Variants in ZMAT4 observed in about 807,000 individuals in gnomAD.
ZMAT4 encodes the protein zinc finger matrin-type protein 4.
ZMAT4 carries 17 observed loss-of-function variants against 28.7 expected under a neutral mutation model. The observed-to-expected ratio is 0.59, with a 90% CI of 0.41 to 0.89. ZMAT4 has a LOEUF of 0.89. ZMAT4 is among the 40% of genes least tolerant of loss of function. The pLI is 0.00. For missense variants in ZMAT4, 240 were observed against 283.8 expected, an observed-to-expected ratio of 0.85 and a Z score of 1.11; for synonymous variants, 117 against 109.2, an observed-to-expected ratio of 1.07 and a Z score of -0.44.
chr8:40,676,413 T>C (rs991497610), intron 4 of ZMAT4, among the ~76,000 whole-genome samples: 1 of 152,152 alleles, frequency 6.6e-6, no homozygotes, highest in Non-Finnish European at 1.5e-5. Context: ...TAAAGCAGTA[T>C]AGCAGCATCC....
At chr8:40,667,874 G>T (rs1585848623) in intron 5 of ZMAT4, among the ~76,000 whole-genome samples, 1 of 144,676 alleles carries the variant, frequency 6.9e-6, no homozygotes, top group Non-Finnish European at 1.5e-5. Context: ...CCAAGAAAAA[G>T]AAATTTATGA....
intron 3 of ZMAT4, among the ~76,000 whole-genome samples, chr8:40,743,779 A>T (rs1812110717): frequency 6.6e-6 from 1 of 152,008 alleles, no homozygotes; most frequent in Non-Finnish European, 1.5e-5. Context: ...ACGGGGAAGG[A>T]GCGGCCGATT....
intron 6 of ZMAT4, among the ~76,000 whole-genome samples, chr8:40,534,829 C>G (rs542045755): frequency 6.6e-6 from 1 of 151,914 alleles, no homozygotes; most frequent in Non-Finnish European, 1.5e-5. Context: ...ATTACAGCCA[C>G]GTGCTACCAC....
intron 2 of ZMAT4, among the ~76,000 whole-genome samples, chr8:40,771,228 C>G (rs1230947936): frequency 6.7e-6 from 1 of 149,932 alleles, no homozygotes. Flanking sequence ...TATATATGTA[C>G]CTACATATAT....
intron 3 of ZMAT4, among the ~76,000 whole-genome samples, chr8:40,707,613 G>GTGTGTGTATACATACATATAAGTATA (rs1810418073): frequency 6.8e-6 from 1 of 147,680 alleles, no homozygotes; most frequent in Non-Finnish European, 1.5e-5. Context: ...GTATGTATAT[G>GTGTGTGTATACATACATATAAGTATA]TGTGTGTATA....
chr8:40,622,110 AACGGAAAGT>A (rs1806223553), intron 5 of ZMAT4, among the ~76,000 whole-genome samples: 1 of 152,242 alleles, frequency 6.6e-6, no homozygotes, highest in Non-Finnish European at 1.5e-5. Context: ...ATGAAAGCAC[AACGGAAAGT>A]ACAAGGGTAT....
intron 5 of ZMAT4, among the ~76,000 whole-genome samples, chr8:40,651,257 A>G (rs2118816284): frequency 6.6e-6 from 1 of 152,234 alleles, no homozygotes; most frequent in Non-Finnish European, 1.5e-5. Context: ...ATGTACAAAA[A>G]TCACAAGCAT....
At chr8:40,780,479 T>C (rs1287081831) in intron 2 of ZMAT4, among the ~76,000 whole-genome samples, 1 of 152,204 alleles carries the variant, frequency 6.6e-6, no homozygotes, top group Non-Finnish European at 1.5e-5. Context: ...TTTCCTCCTA[T>C]ATCAAATCCC....
chr8:40,668,803 T>G (rs545903256), intron 5 of ZMAT4, among the ~76,000 whole-genome samples: 16 of 152,080 alleles, frequency 1.1e-4, no homozygotes, highest in African/African-American at 3.6e-4. Context: ...ACAACCATTT[T>G]TCTGTATTGG....
At chr8:40,872,174 C>A (rs1469200218) in intron 1 of ZMAT4, among the ~76,000 whole-genome samples, 2 of 152,148 alleles carry the variant, frequency 1.3e-5, no homozygotes, top group African/African-American at 4.8e-5. Context: ...TCACATCCAC[C>A]GTATTCACAA....
In ZMAT4 at chr8:40,739,554, CACAGGAAGAAAAGAGCTG is replaced by C. The variant is rs1202240442; in HGVS notation, c.192+28069_192+28086del. Among the ~76,000 whole-genome samples the C allele has an allele frequency of 1.1e-4, 17 of 152,294 alleles. No homozygotes were observed. In the East Asian group the frequency reaches 2.7e-3, roughly 24 times the overall value. Reference sequence around the variant, plus strand: ...ATTTGAGTTCCAGCAGTACAACTGACACAGGAAGAAAAGAGCTGACATAAGCTACTTACTCACTATGTG... The same window carrying C: ...ATTTGAGTTCCAGCAGTACAACTGACACATAAGCTACTTACTCACTATGTG... On this transcript the variant is annotated intron_variant, in intron 3 of 6. Transcript: ENST00000297737.
chr8:40,804,507 G>C (rs928874064), intron 2 of ZMAT4, among the ~76,000 whole-genome samples: 1 of 152,106 alleles, frequency 6.6e-6, no homozygotes, highest in Non-Finnish European at 1.5e-5. Context: ...ATTGTTGGTT[G>C]ACTGACTTTG....
At chr8:40,653,820 G>T (rs1476926241) in intron 5 of ZMAT4, among the ~76,000 whole-genome samples, 1 of 152,130 alleles carries the variant, frequency 6.6e-6, no homozygotes, top group Non-Finnish European at 1.5e-5. Flanking sequence ...CTTCATTGGT[G>T]AATTCTACTA....
chr8:40,703,680 CTG>C (rs1393776872), intron 3 of ZMAT4, among the ~76,000 whole-genome samples: 1 of 152,088 alleles, frequency 6.6e-6, no homozygotes, highest in African/African-American at 2.4e-5. Flanking sequence ...TCACACGGCT[CTG>C]TGAATATACC....
At chr8:40,620,784 G>A (rs1806169714) in intron 5 of ZMAT4, among the ~76,000 whole-genome samples, 2 of 152,158 alleles carry the variant, frequency 1.3e-5, no homozygotes. Flanking sequence ...CAACCTCTCT[G>A]AGAACTGGCT....
intron 6 of ZMAT4, among the ~76,000 whole-genome samples, chr8:40,547,115 A>G (rs911717264): frequency 6.6e-6 from 1 of 152,214 alleles, no homozygotes; most frequent in Non-Finnish European, 1.5e-5. Flanking sequence ...AACTCCAATT[A>G]GACATCTGTG....
intron 1 of ZMAT4, among the ~76,000 whole-genome samples, chr8:40,848,294 A>T (rs1279246674): frequency 1.3e-5 from 2 of 152,232 alleles, no homozygotes; most frequent in Non-Finnish European, 2.9e-5. Flanking sequence ...TCGATGTGGA[A>T]GTCAGACTTT....
chr8:40,778,523 A>G (rs6987241), intron 2 of ZMAT4, among the ~76,000 whole-genome samples: 34,050 of 152,136 alleles, frequency 0.22, 3,963 homozygotes, highest in Non-Finnish European at 0.25. Flanking sequence ...TACTGTAGAA[A>G]AATAGGTAAG....
At chr8:40,532,308 C>G (rs1035171154) in intron 6 of ZMAT4, 70 bp from the exon 7 acceptor site, 2 of 1,413,720 alleles carry the variant, frequency 1.4e-6, no homozygotes, top group East Asian at 2.5e-5. Flanking sequence ...CTTTCTCCCC[C>G]CCACCCCCTG....
Sources: allele counts gnomAD v4.1 joint callset (sites outside exome capture counted in the v4.1 genomes callset), GRCh38; gene constraint gnomAD v4.1.1; transcripts MANE v1.5; gene names NCBI Gene and HGNC (gene_info 2026-07-23, HGNC 2026-07-21).